TANC1: variants seen among roughly 807,000 people sequenced by gnomAD.
TANC1 encodes the protein tetratricopeptide repeat, ankyrin repeat and coiled-coil containing 1, also known as protein TANC1.
TANC1 carries 77 observed loss-of-function variants against 149.7 expected under a neutral mutation model. The observed-to-expected ratio is 0.51, with a 90% CI of 0.43 to 0.62. The LOEUF (loss-of-function observed/expected upper bound fraction) is 0.62. TANC1 is among the 20% of genes least tolerant of loss of function. The pLI is 0.00. For missense variants in TANC1, 1,985 were observed against 2,321.8 expected (o/e 0.85, Z 2.98); for synonymous variants, 854 against 925.0 (o/e 0.92, Z 1.39).
chr2:158,981,363 G>T (rs1339123386), intron 1 of TANC1, among the ~76,000 whole-genome samples: 1 of 151,276 alleles, frequency 6.6e-6, no homozygotes, highest in Non-Finnish European at 1.5e-5. Flanking sequence ...GGAGCCTGAG[G>T]CGGGAGGATT....
chr2:159,202,187 T>G (rs1575227690), intron 19 of TANC1, among the ~76,000 whole-genome samples: 1 of 152,280 alleles, frequency 6.6e-6, no homozygotes, highest in East Asian at 1.9e-4. Flanking sequence ...GTCAGTGTGG[T>G]GGCACTGGGC....
intron 1 of TANC1, among the ~76,000 whole-genome samples, chr2:158,978,779 G>A (rs1365754253): frequency 2.6e-5 from 4 of 152,210 alleles, no homozygotes; most frequent in Non-Finnish European, 4.4e-5. Flanking sequence ...TTCACAAGTT[G>A]TAGGCTTTCA....
chr2:158,988,540 C>T (rs967073389), intron 1 of TANC1, among the ~76,000 whole-genome samples: 1 of 152,058 alleles, frequency 6.6e-6, no homozygotes, highest in Non-Finnish European at 1.5e-5. Flanking sequence ...TTGCTAAATG[C>T]CGTTACTACT....
intron 3 of TANC1, among the ~76,000 whole-genome samples, chr2:159,076,734 G>C (rs1574493727): frequency 6.6e-6 from 1 of 152,110 alleles, no homozygotes; most frequent in Non-Finnish European, 1.5e-5. Context: ...TCTTGCTTGA[G>C]GAAGACCTGG....
At chr2:159,124,330 C>T (rs775120119) in intron 4 of TANC1, among the ~76,000 whole-genome samples, 6 of 152,084 alleles carry the variant, frequency 3.9e-5, no homozygotes, top group Admixed American at 2.0e-4. Flanking sequence ...GGCGACGGAA[C>T]GAGATTTTGT....
At chr2:159,106,664 A>T (rs559599725) in intron 4 of TANC1, among the ~76,000 whole-genome samples, 1 of 152,372 alleles carries the variant, frequency 6.6e-6, no homozygotes, top group Admixed American at 6.5e-5. Context: ...ATATGGACAT[A>T]TATTTTTCCC....
At position 159,046,256 on chromosome 2, in the gene TANC1, A is replaced by G. The variant is rs181010259; in HGVS notation, c.-15-19640A>G. Among the ~76,000 whole-genome samples the G allele has an allele frequency of 2.0e-5, 3 of 152,292 alleles. No homozygotes were observed. The East Asian group carries it at 5.8e-4, about 29-fold the overall frequency. ...TTTAGACTGCGTCTCTCTTTTGCAA[A>G]TTCCTTTTCTGTGAAAGAAAACCTT... On this transcript the variant is annotated intron_variant, in intron 2 of 26. Transcript: ENST00000263635.
At chr2:159,137,918 G>C (rs2050935689) in intron 5 of TANC1, among the ~76,000 whole-genome samples, 2 of 152,130 alleles carry the variant, frequency 1.3e-5, no homozygotes, top group Non-Finnish European at 2.9e-5. Flanking sequence ...CTCCTGGTGT[G>C]GGAGTGGGGG....
chr2:159,011,483 A>T (rs1162320084), intron 2 of TANC1, among the ~76,000 whole-genome samples: 1 of 151,844 alleles, frequency 6.6e-6, no homozygotes. Flanking sequence ...CAGTTCTGAG[A>T]GACAAGGAGA....
intron 19 of TANC1, among the ~76,000 whole-genome samples, chr2:159,213,122 A>G (rs2059112327): frequency 6.6e-6 from 1 of 152,118 alleles, no homozygotes; most frequent in Admixed American, 6.5e-5. Context: ...TTTGTCTTAC[A>G]AGAGGATAAC....
At position 159,227,965 on chromosome 2, in the gene TANC1, T is replaced by C. The variant is rs2060117872; in HGVS notation, c.4050T>C (p.Asn1350=). 2.5e-6 allele frequency: 4 copies of C among 1,611,482 alleles called. No individual in the cohort carries two copies. Among genetic ancestry groups the C allele is most frequent in the Non-Finnish European group, 3.4e-6 (4 of 1,179,446 alleles). Residue 1350 remains asparagine, a splice_region_variant and synonymous_variant, in exon 25 of 27, where the codon AAT becomes AAC. Coordinates refer to ENST00000263635, the MANE Select transcript of TANC1 (RefSeq NM_033394.3). ...LNLSRCRRKT[N]DFGMAEEFAS... is the part of the protein sequence containing the mutation. Reference sequence around the variant, plus strand: ...TGTCGCGATGCCGAAGAAAAACAAATGTAAGCTGTGCCCCTTTATTCCAAC... The same window carrying C: ...TGTCGCGATGCCGAAGAAAAACAAACGTAAGCTGTGCCCCTTTATTCCAAC...
At chr2:159,045,887 G>T (rs1015129675) in intron 2 of TANC1, among the ~76,000 whole-genome samples, 1 of 152,164 alleles carries the variant, frequency 6.6e-6, no homozygotes, top group African/African-American at 2.4e-5. Context: ...CAAGAAAAAT[G>T]ACATGGAAGA....
At chr2:159,214,552 C>T (rs1188537366) in intron 19 of TANC1, among the ~76,000 whole-genome samples, 2 of 152,166 alleles carry the variant, frequency 1.3e-5, no homozygotes, top group African/African-American at 4.8e-5. Context: ...GACCTTGGCT[C>T]GGCTTACCAG....
intron 7 of TANC1, among the ~76,000 whole-genome samples, chr2:159,154,864 A>G (rs1237283424): frequency 2.0e-5 from 3 of 152,236 alleles, no homozygotes; most frequent in Admixed American, 6.5e-5. Flanking sequence ...CCCAATCACC[A>G]TAAAATAGCT....
chr2:159,173,447 A>G (rs1005048461), intron 11 of TANC1, among the ~76,000 whole-genome samples: 19 of 152,170 alleles, frequency 1.2e-4, no homozygotes, highest in African/African-American at 4.6e-4. Context: ...TCTACTAAAA[A>G]TACAAAAATT....
intron 1 of TANC1, among the ~76,000 whole-genome samples, chr2:158,996,989 A>AG (rs2149306928): frequency 6.6e-6 from 1 of 152,238 alleles, no homozygotes; most frequent in East Asian, 1.9e-4. Context: ...GGCAAAAAAA[A>AG]AAAAAAAATC....
At chr2:159,117,556 C>T (rs142755215) in intron 4 of TANC1, among the ~76,000 whole-genome samples, 13,591 of 152,008 alleles carry the variant, frequency 0.089, 839 homozygotes, top group Admixed American at 0.17. Context: ...CCACCACGCC[C>T]GGCTAATTTT....
intron 16 of TANC1, among the ~76,000 whole-genome samples, chr2:159,189,831 G>A (rs1456321361): frequency 6.6e-6 from 1 of 152,156 alleles, no homozygotes; most frequent in Admixed American, 6.5e-5. Flanking sequence ...TCCAAGAGTG[G>A]GGCCAGGGTA....
intron 2 of TANC1, among the ~76,000 whole-genome samples, chr2:159,038,261 G>C (rs567318674): frequency 2.0e-5 from 3 of 152,118 alleles, no homozygotes; most frequent in East Asian, 3.9e-4. Flanking sequence ...GGGCTGAGAC[G>C]ATGGGGTTTT....
Sources: allele counts gnomAD v4.1 joint callset (sites outside exome capture counted in the v4.1 genomes callset), GRCh38; gene constraint gnomAD v4.1.1; transcripts MANE v1.5; gene names NCBI Gene and HGNC (gene_info 2026-07-23, HGNC 2026-07-21).